Variants in JAKMIP1 observed in about 807,000 individuals in gnomAD.
JAKMIP1 encodes the protein janus kinase and microtubule interacting protein 1, also known as janus kinase and microtubule-interacting protein 1.
A neutral mutation model predicts 113.0 loss-of-function variants in JAKMIP1; 33 were observed. That is an observed-to-expected ratio of 0.29 (90% CI 0.22 to 0.39). The LOEUF (loss-of-function observed/expected upper bound fraction) is 0.39. Among genes scored for constraint, JAKMIP1 ranks in the 10% least tolerant of loss-of-function variants. JAKMIP1 has a pLI of 1.00. For synonymous variants in JAKMIP1, 480 were observed against 459.9 expected, an observed-to-expected ratio of 1.04 and a Z score of -0.56; for missense variants, 813 against 1,080.5, an observed-to-expected ratio of 0.75 and a Z score of 3.47.
Position 6,135,598 on chromosome 4 carries a change from G to A in JAKMIP1, c.-147-22601C>T, listed in dbSNP as rs983285594. On this transcript the variant is annotated intron_variant, in intron 1 of 20. Coordinates refer to ENST00000409021, the MANE Select transcript of JAKMIP1 (RefSeq NM_001099433.2). This position sits in a 1 kb window ranked among gnomAD's most constrained non-coding sequence, Gnocchi z 4.9. The stretch of plus-strand genomic sequence containing the variant: ...GCCTAGCCTTGATAAAAAAGCCATC[G>A]CATACACAGCATTTTGCAGATTAAA... 3.3e-5 allele frequency among the ~76,000 whole-genome samples: 5 copies of A among 152,104 alleles called. No homozygotes were observed. Among genetic ancestry groups the A allele is most frequent in the Non-Finnish European group, 5.9e-5 (4 of 68,016 alleles).
Position 6,088,648 on chromosome 4 carries a change from A to G in JAKMIP1, c.625-3019T>C, listed in dbSNP as rs1422940956. Reference sequence around the variant, plus strand: ...CAGAACACATTCCGGAGCCAGCATGAGAGTCCTGAGGCCCCAGAGGTTAAG... The same window carrying G: ...CAGAACACATTCCGGAGCCAGCATGGGAGTCCTGAGGCCCCAGAGGTTAAG... On this transcript the variant is annotated intron_variant, in intron 3 of 20. Transcript: ENST00000409021. The surrounding 1 kb of genome is among the most constrained non-coding windows in gnomAD (Gnocchi z 5.5). 6.6e-6 allele frequency among the ~76,000 whole-genome samples: 1 copy of G among 152,206 alleles called. No homozygotes were observed. Among genetic ancestry groups the G allele is most frequent in the East Asian group, 1.9e-4 (1 of 5,186 alleles).
At chr4:6,126,500 T>A (rs1717663875) in intron 1 of JAKMIP1, among the ~76,000 whole-genome samples, 1 of 111,294 alleles carries the variant, frequency 9.0e-6, no homozygotes, top group African/African-American at 3.7e-5. Context: ...CAAACACGCA[T>A]CATACAGAAA....
rs979469094 is a variant in JAKMIP1 at position 6,044,053 on chromosome 4, A to G, written c.2029-1826T>C. Among the ~76,000 whole-genome samples, 2 of 151,480 alleles carry G rather than the reference A, an allele frequency of 1.3e-5. No individual in the cohort carries two copies. Among genetic ancestry groups the G allele is most frequent in the African/African-American group, 4.9e-5 (2 of 41,188 alleles). Reference sequence around the variant, plus strand: ...CCCAGGCCTTTAACAAGCTAGCATCACTCAGTCTTCAGGCCCTGAGCTAGC... The same window carrying G: ...CCCAGGCCTTTAACAAGCTAGCATCGCTCAGTCTTCAGGCCCTGAGCTAGC... On this transcript the variant is annotated intron_variant, in intron 16 of 20. Coordinates refer to ENST00000409021, the MANE Select transcript of JAKMIP1 (RefSeq NM_001099433.2). This position sits in a 1 kb window ranked among gnomAD's most constrained non-coding sequence, Gnocchi z 4.4.
At position 6,135,033 on chromosome 4, in the gene JAKMIP1, G is replaced by C. The variant is rs11947459; in HGVS notation, c.-147-22036C>G. On this transcript the variant is annotated intron_variant, in intron 1 of 20. Transcript: ENST00000409021. The surrounding 1 kb of genome is among the most constrained non-coding windows in gnomAD (Gnocchi z 4.9). ...TGGACATGTAGAGATGGCAGGTGTA[G>C]GGCTCGTGTATCTCTGGTCTGGTAT... Among the ~76,000 whole-genome samples, 1 of 152,074 alleles carries C rather than the reference G, an allele frequency of 6.6e-6. No homozygotes were observed. Among genetic ancestry groups the C allele is most frequent in the African/African-American group, 2.4e-5 (1 of 41,392 alleles).
At chr4:6,092,828 A>T (rs1422741660) in intron 3 of JAKMIP1, among the ~76,000 whole-genome samples, 1 of 152,200 alleles carries the variant, frequency 6.6e-6, no homozygotes, top group Non-Finnish European at 1.5e-5. Context: ...CCTCGATTCT[A>T]CCTGTGATGC....
rs1721322512 is a variant in JAKMIP1 at position 6,086,403 on chromosome 4, G to A, written c.625-774C>T. 6.6e-6 allele frequency among the ~76,000 whole-genome samples: 1 copy of A among 151,618 alleles called. No homozygotes were observed. The highest frequency in any genetic ancestry group is 1.5e-5 in the Non-Finnish European group (1 of 67,988). ...TCTGAGCTCCACAATCACAGAACCA[G>A]CTGGCTGCCTGACACCTCTGCTTGG... On this transcript the variant is annotated intron_variant, in intron 3 of 20. Coordinates refer to ENST00000409021, the MANE Select transcript of JAKMIP1 (RefSeq NM_001099433.2). This position sits in a 1 kb window ranked among gnomAD's most constrained non-coding sequence, Gnocchi z 4.1.
rs1415135255 is a variant in JAKMIP1 at position 6,100,648 on chromosome 4, T to C, written c.624+4825A>G. 2.6e-5 allele frequency among the ~76,000 whole-genome samples: 4 copies of C among 152,330 alleles called. No homozygotes were observed. In the East Asian group the frequency reaches 7.7e-4, roughly 29 times the overall value. ...CCTTTTTTTAGACTTTTTAAGAAAC[T>C]ACAAAACCATTTATCAAGGTGGCTA... On this transcript the variant is annotated intron_variant, in intron 3 of 20. Coordinates refer to ENST00000409021, the MANE Select transcript of JAKMIP1 (RefSeq NM_001099433.2).
intron 8 of JAKMIP1, among the ~76,000 whole-genome samples, chr4:6,071,370 G>T (rs1718932956): frequency 6.6e-6 from 1 of 152,070 alleles, no homozygotes. Flanking sequence ...TGGAGGGGCG[G>T]GGCTGCAATC....
chr4:6,116,299 T>C lies in JAKMIP1; in HGVS notation c.-147-3302A>G, dbSNP rs531015525. On this transcript the variant is annotated intron_variant, in intron 1 of 20. Transcript: ENST00000409021. The surrounding 1 kb of genome is among the most constrained non-coding windows in gnomAD (Gnocchi z 5.1). ...ATCAGCAGGAGCAACAGCAGGGAAC[T>C]CTCCTGCCTGAGCTTAGCTTGGTGT... Among the ~76,000 whole-genome samples the C allele has an allele frequency of 6.6e-6, 1 of 152,164 alleles. No homozygotes were observed. The highest frequency in any genetic ancestry group is 2.1e-4 in the South Asian group (1 of 4,820).
At chr4:6,073,237 G>A (rs1191184698) in intron 8 of JAKMIP1, among the ~76,000 whole-genome samples, 1 of 152,054 alleles carries the variant, frequency 6.6e-6, no homozygotes, top group Non-Finnish European at 1.5e-5. Context: ...GGGGCGTGGG[G>A]CTAGGAGTCA....
At chr4:6,174,925 G>A (rs1380369696) in intron 1 of JAKMIP1, among the ~76,000 whole-genome samples, 1 of 152,138 alleles carries the variant, frequency 6.6e-6, no homozygotes, top group Non-Finnish European at 1.5e-5. Flanking sequence ...CCTCAACCAT[G>A]TGGAGTTCTG....
chr4:6,043,478 T>C (rs887786593), intron 16 of JAKMIP1, among the ~76,000 whole-genome samples: 1 of 151,854 alleles, frequency 6.6e-6, no homozygotes, highest in Non-Finnish European at 1.5e-5. Context: ...CTCTCTGAAA[T>C]GTCTCATACC....
chr4:6,147,696 T>A (rs997465367), intron 1 of JAKMIP1, among the ~76,000 whole-genome samples: 1 of 152,220 alleles, frequency 6.6e-6, no homozygotes, highest in Non-Finnish European at 1.5e-5. Context: ...TCAGGCCACC[T>A]AGGTGTGGGT....
intron 1 of JAKMIP1, among the ~76,000 whole-genome samples, chr4:6,120,189 T>TG (rs1326397508): frequency 6.6e-6 from 1 of 151,858 alleles, no homozygotes; most frequent in Non-Finnish European, 1.5e-5. Context: ...ACTTTTTTTT[T>TG]TTTTTTAACA....
chr4:6,080,324 G>A lies in JAKMIP1; in HGVS notation c.1102-12C>T, dbSNP rs1297084892. On this transcript the variant is annotated splice_polypyrimidine_tract_variant and intron_variant, in intron 6 of 20. Coordinates refer to ENST00000409021, the MANE Select transcript of JAKMIP1 (RefSeq NM_001099433.2). The surrounding 1 kb of genome is among the most constrained non-coding windows in gnomAD (Gnocchi z 6.0). ...GACAGCTTTTCTTTCTGCAGCCACA[G>A]GGAGACAGACCACCACAGGGTTACC... The A allele has an allele frequency of 1.2e-6, 2 of 1,612,898 alleles. No homozygotes were observed. Among genetic ancestry groups the A allele is most frequent in the Non-Finnish European group, 1.7e-6 (2 of 1,179,392 alleles).
At position 6,140,339 on chromosome 4, in the gene JAKMIP1, G is replaced by C. The variant is rs556793334; in HGVS notation, c.-147-27342C>G. 3.0e-4 allele frequency among the ~76,000 whole-genome samples: 45 copies of C among 150,404 alleles called. 1 individual carries two copies. Among genetic ancestry groups the C allele is most frequent in the African/African-American group, 2.2e-4 (9 of 40,728 alleles). On this transcript the variant is annotated intron_variant, in intron 1 of 20. Transcript: ENST00000409021. This position sits in a 1 kb window ranked among gnomAD's most constrained non-coding sequence, Gnocchi z 9.4. ...ACATAAATCATAATGCACACCTGAT[G>C]ATGGGCCGACCATAAATCCCCCCAC...
intron 11 of JAKMIP1, among the ~76,000 whole-genome samples, chr4:6,058,227 G>A (rs1308439514): frequency 6.6e-6 from 1 of 152,210 alleles, no homozygotes. Context: ...AAGTAGAAAA[G>A]TTCCTCTTCA....
At chr4:6,111,053 A>T (rs1422344290) in intron 2 of JAKMIP1, among the ~76,000 whole-genome samples, 1 of 151,980 alleles carries the variant, frequency 6.6e-6, no homozygotes, top group East Asian at 1.9e-4. Context: ...ATCTGTCCCC[A>T]AGTTCCAGAA....
In JAKMIP1 at chr4:6,086,602, G is replaced by T. The variant is rs554217290; in HGVS notation, c.625-973C>A. On this transcript the variant is annotated intron_variant, in intron 3 of 20. Coordinates refer to ENST00000409021, the MANE Select transcript of JAKMIP1 (RefSeq NM_001099433.2). The surrounding 1 kb of genome is among the most constrained non-coding windows in gnomAD (Gnocchi z 4.1). ...ACCAAAAAAAGTATGCAGAGGAAGT[G>T]TCAGCCCCAGGTCATCCACTCTGGC... Among the ~76,000 whole-genome samples the T allele has an allele frequency of 6.6e-6, 1 of 152,218 alleles. No homozygotes were observed. The highest frequency in any genetic ancestry group is 2.1e-4 in the South Asian group (1 of 4,810).
Sources: allele counts gnomAD v4.1 joint callset (sites outside exome capture counted in the v4.1 genomes callset), GRCh38; gene constraint gnomAD v4.1.1; non-coding constraint Gnocchi (gnomAD v3.1); transcripts MANE v1.5; gene names NCBI Gene and HGNC (gene_info 2026-07-23, HGNC 2026-07-21).